CIART: variants seen among roughly 807,000 people sequenced by gnomAD.
CIART encodes the protein circadian-associated transcriptional repressor.
A neutral mutation model predicts 22.1 loss-of-function variants in CIART; 7 were observed. The observed-to-expected ratio is 0.32, with a 90% CI of 0.18 to 0.59. The LOEUF is 0.59. Among genes scored for constraint, CIART ranks in the 20% least tolerant of loss-of-function variants. The pLI is 0.86. For synonymous variants in CIART, 163 were observed against 174.6 expected (o/e 0.93, Z 0.53); for missense variants, 440 against 478.0 (o/e 0.92, Z 0.74).
chr1:150,284,557 A>G (rs782021224), intron 3 of CIART, 40 bp from the exon 4 acceptor site: 4 of 1,596,408 alleles, frequency 2.5e-6, no homozygotes, highest in East Asian at 4.5e-5. Context: ...GATTTCTCCA[A>G]TCCTGTTGCT....
At chr1:150,284,287 G>A in intron 2 of CIART, 139 bp from the exon 3 acceptor site, 1 of 780,658 alleles carries the variant, frequency 1.3e-6, no homozygotes, top group Non-Finnish European at 2.2e-6. Context: ...CCAAAGTGCT[G>A]GGATTACAGG....
chr1:150,284,120 C>A (rs587719403), intron 2 of CIART, among the ~76,000 whole-genome samples: 1 of 151,880 alleles, frequency 6.6e-6, no homozygotes, highest in African/African-American at 2.4e-5. Context: ...TGGGTTCAAG[C>A]GATTCTCCTG....
rs1444908365 is a variant in CIART at position 150,284,516 on chromosome 1, T to C, written c.521+12T>C. The C allele has an allele frequency of 7.5e-6, 12 of 1,604,406 alleles. No homozygotes were observed. The highest frequency in any genetic ancestry group is 8.5e-6 in the Non-Finnish European group (10 of 1,171,212). ...AAGCCACAGATGGGGTAAGTCCCGCTGGTTCTTTGCTTGGGTCTTCATAAA... is the reference window on the plus strand; with the variant it reads ...AAGCCACAGATGGGGTAAGTCCCGCCGGTTCTTTGCTTGGGTCTTCATAAA... On this transcript the variant is annotated intron_variant, in intron 3 of 4. Transcript: ENST00000290363.
rs782081791 is a variant in CIART, at chr1:150,283,392, A to G, written c.125A>G (p.His42Arg). The change falls in exon 1 of 5, where the codon CAT becomes CGT. Residue 42 changes from histidine to arginine, a missense_variant. Transcript: ENST00000290363. Reference sequence around the variant, plus strand: ...AGTGAGAGGGAGGACAAGGGGGCCCATGGGCCCAGGCCAGACACTGTTGGG... The same window carrying G: ...AGTGAGAGGGAGGACAAGGGGGCCCGTGGGCCCAGGCCAGACACTGTTGGG... ...SDSEREDKGA[H>R]GPRPDTVGQR... The G allele has an allele frequency of 1.9e-6, 3 of 1,610,988 alleles. No individual in the cohort carries two copies. The Admixed American group carries it at 5.0e-5, about 27-fold the overall frequency.
rs1653377218 is a variant in CIART at position 150,284,610 on chromosome 1, G to A, written c.535G>A (p.Gly179Arg). 1 of 1,612,882 alleles carries A rather than the reference G, an allele frequency of 6.2e-7. No individual in the cohort carries two copies. Among genetic ancestry groups the A allele is most frequent in the Non-Finnish European group, 8.5e-7 (1 of 1,178,934 alleles). The change falls in exon 4 of 5, where the codon GGA becomes AGA. Residue 179 changes from glycine to arginine, a missense_variant. Coordinates refer to ENST00000290363, the MANE Select transcript of CIART (RefSeq NM_144697.4). ...QKPQMGERYL[G>R]TLLQVEGMLK... ...TCATTTTCACAGGGAACGTTACCTAGGAACCTTGCTACAGGTAGAAGGGAT... is the reference window on the plus strand; with the variant it reads ...TCATTTTCACAGGGAACGTTACCTAAGAACCTTGCTACAGGTAGAAGGGAT...
chr1:150,286,918 T>A lies in CIART; in HGVS notation c.1122T>A (p.Pro374=), dbSNP rs782712457. The A allele has an allele frequency of 6.3e-7, 1 of 1,593,664 alleles. No homozygotes were observed. The highest frequency in any genetic ancestry group is 1.7e-5 in the Admixed American group (1 of 58,272). ...ACCGGGAGCAGCAGAGAAGCCATCC[T>A]CCAGTTGCTGCTGATGCTCATCTTC... ...IGHREQQRSH[P]PVAADAHLLN... is the part of the protein sequence containing the mutation. Residue 374 remains proline, a synonymous_variant, in exon 5 of 5, where the codon CCT becomes CCA. Transcript: ENST00000290363.
In CIART at chr1:150,286,881, TGA is replaced by T; in HGVS notation, c.1086_1087del (p.Met362IlefsTer17). 1 of 1,612,788 alleles carries T rather than the reference TGA, an allele frequency of 6.2e-7. No homozygotes were observed. Among genetic ancestry groups the T allele is most frequent in the Non-Finnish European group, 8.5e-7 (1 of 1,179,272 alleles). On this transcript the variant is annotated frameshift_variant, in exon 5 of 5. Coordinates refer to ENST00000290363, the MANE Select transcript of CIART (RefSeq NM_144697.4). LOFTEE classifies it low-confidence loss of function (END_TRUNC). ...AGTCTACCCACCTTGGCCAGAAAGATGACCATAGGACACCGGGAGCAGCAGAG... is the reference window on the plus strand; with the variant it reads ...AGTCTACCCACCTTGGCCAGAAAGATCCATAGGACACCGGGAGCAGCAGAG...
In CIART at chr1:150,284,423, CAGG is replaced by C. The variant is rs781982405; in HGVS notation, c.443-1_444del. ...CTTAATCTCTCTCTGTCCCTGTCCC[CAGG>C]ATTAAGCAGTTTTCAGCAGAGTGTG... On this transcript the variant is annotated splice_acceptor_variant and coding_sequence_variant, in exon 3 of 5. Coordinates refer to ENST00000290363, the MANE Select transcript of CIART (RefSeq NM_144697.4). LOFTEE classifies it high-confidence loss of function. 3.7e-6 allele frequency: 6 copies of C among 1,601,958 alleles called. No individual in the cohort carries two copies. The highest frequency in any genetic ancestry group is 8.6e-7 in the Non-Finnish European group (1 of 1,168,928).
chr1:150,283,764 GTTTT>G (rs782312659), intron 1 of CIART, 37 bp from the exon 2 acceptor site: 3 of 1,552,070 alleles, frequency 1.9e-6, no homozygotes, highest in Admixed American at 1.7e-5. Flanking sequence ...GGTGTGGGCA[GTTTT>G]TTGTCTTCTT....
In CIART at chr1:150,283,597, T is replaced by G. The variant is rs782376273; in HGVS notation, c.330T>G (p.Gly110=). 3 of 1,613,918 alleles carry G rather than the reference T, an allele frequency of 1.9e-6. No individual in the cohort carries two copies. The Admixed American group carries it at 5.0e-5, about 27-fold the overall frequency. ...GELETSLNTQ[G]CTTEGDLLFA... ...TGGAGACCAGTCTAAACACCCAAGGTTGTACCACAGAGGGAGACCTGCTGT... is the reference window on the plus strand; with the variant it reads ...TGGAGACCAGTCTAAACACCCAAGGGTGTACCACAGAGGGAGACCTGCTGT... Residue 110 remains glycine (G), a synonymous_variant, in exon 1 of 5, where the codon GGT becomes GGG. Transcript: ENST00000290363.
chr1:150,284,366 C>T, intron 2 of CIART, 60 bp from the exon 3 acceptor site: 4 of 1,466,026 alleles, frequency 2.7e-6, no homozygotes, highest in Non-Finnish European at 3.8e-6. Flanking sequence ...TTCTGTTCTT[C>T]CTTTACCTGA....
Position 150,283,410 on chromosome 1 carries a change from C to G in CIART, c.143C>G (p.Thr48Ser). 6.2e-7 allele frequency: 1 copy of G among 1,614,062 alleles called. No individual in the cohort carries two copies. The highest frequency in any genetic ancestry group is 1.3e-5 in the African/African-American group (1 of 75,060). ...GGGGCCCATGGGCCCAGGCCAGACA[C>G]TGTTGGGCAGAGGGGAGGTTCACGG... is the stretch of plus-strand genomic sequence containing the variant. ...DKGAHGPRPD[T>S]VGQRGGSRPS... is the part of the protein sequence containing the mutation. The change falls in exon 1 of 5, where the codon ACT becomes AGT. Residue 48 changes from threonine to serine, a missense_variant. Transcript: ENST00000290363.
In CIART at chr1:150,283,545, G is replaced by A; in HGVS notation, c.278G>A (p.Gly93Glu). The A allele has an allele frequency of 1.2e-6, 2 of 1,614,204 alleles. No homozygotes were observed. Among genetic ancestry groups the A allele is most frequent in the Non-Finnish European group, 1.7e-6 (2 of 1,180,020 alleles). The change falls in exon 1 of 5, where the codon GGG (glycine) becomes GAG (glutamate). Residue 93 changes from glycine to glutamate, a missense_variant. Coordinates refer to ENST00000290363, the MANE Select transcript of CIART (RefSeq NM_144697.4). ...TCGGCTTCTCCTATGGCAGGATCTG[G>A]GGCGAAAAGATCAAGAGATGGTGAA... is the stretch of plus-strand genomic sequence containing the variant. Reference protein sequence around the residue: ...RGSASPMAGSGAKRSRDGELE... With the variant: ...RGSASPMAGSEAKRSRDGELE...
At position 150,286,579 on chromosome 1, in the gene CIART, C is replaced by T. The variant is rs368334027; in HGVS notation, c.783C>T (p.Ile261=). ...TQWPAMNLTW[I]HTTPICNPPL... is the part of the protein sequence containing the mutation. ...GGCCAGCTATGAACCTCACCTGGAT[C>T]CACACCACTCCAATTTGCAACCCCC... The change falls in exon 5 of 5, where the codon ATC becomes ATT. Residue 261 remains isoleucine (I), a synonymous_variant. Transcript: ENST00000290363. The T allele has an allele frequency of 6.8e-6, 11 of 1,607,548 alleles. No individual in the cohort carries two copies. The African/African-American group carries it at 1.2e-4, about 18-fold the overall frequency.
Position 150,283,220 on chromosome 1 carries a change from A to C in CIART, c.-48A>C. ...CTTTGCTCTTCAGTTGCAGGTTCCG[A>C]TCTTTGGGTACTCCAGGAGCTGTTC... On this transcript the variant is annotated 5_prime_UTR_variant, in exon 1 of 5. Transcript: ENST00000290363. 1 of 1,472,818 alleles carries C rather than the reference A, an allele frequency of 6.8e-7. No homozygotes were observed. Among genetic ancestry groups the C allele is most frequent in the South Asian group, 1.5e-5 (1 of 66,536 alleles). The allele number at this position is 1,472,818 out of a possible 1,614,324, so 91.2% of individuals were successfully genotyped here.
rs1256719036 is a variant in CIART at position 150,283,092 on chromosome 1, C to T, written c.-176C>T. On this transcript the variant is annotated 5_prime_UTR_variant, in exon 1 of 5. Coordinates refer to ENST00000290363, the MANE Select transcript of CIART (RefSeq NM_144697.4). The stretch of plus-strand genomic sequence containing the variant: ...ATGTCTTTTTCTATTGTGTTTGAGA[C>T]CGGTAATATTGGGGAGGGGGAGAAC... 1 of 570,478 alleles carries T rather than the reference C, an allele frequency of 1.8e-6. No individual in the cohort carries two copies. The allele number at this position is 570,478 out of a possible 1,614,324, so 35.3% of individuals were successfully genotyped here.
At position 150,286,639 on chromosome 1, in the gene CIART, T is replaced by C. The variant is rs782301388; in HGVS notation, c.843T>C (p.His281=). The C allele has an allele frequency of 3.7e-6, 6 of 1,613,464 alleles. No individual in the cohort carries two copies. Among genetic ancestry groups the C allele is most frequent in the Admixed American group, 3.3e-5 (2 of 59,992 alleles). The change falls in exon 5 of 5, where the codon CAT becomes CAC. Residue 281 remains histidine, a synonymous_variant. Transcript: ENST00000290363. ...CCCCAGGTACTATCTCCTTTAGCCA[T>C]GGTCCTTTAGGCACTGGAACCGGCA... The part of the protein sequence containing the change: ...LSSPGTISFS[H]GPLGTGTGIG...
At position 150,283,232 on chromosome 1, in the gene CIART, T is replaced by C. The variant is rs1653251783; in HGVS notation, c.-36T>C. ...GTTGCAGGTTCCGATCTTTGGGTAC[T>C]CCAGGAGCTGTTCTATAGCCCCTGC... is the stretch of plus-strand genomic sequence containing the variant. On this transcript the variant is annotated 5_prime_UTR_variant, in exon 1 of 5. Coordinates refer to ENST00000290363, the MANE Select transcript of CIART (RefSeq NM_144697.4). 3 of 1,496,186 alleles carry C rather than the reference T, an allele frequency of 2.0e-6. No individual in the cohort carries two copies. The highest frequency in any genetic ancestry group is 2.3e-5 in the Admixed American group (1 of 43,116). 92.7% of individuals were successfully genotyped at this position (1,496,186 alleles called of 1,614,324 possible). A position where few individuals can be genotyped will look rare whatever the true frequency, so the allele number is the denominator to read the frequency against.
intron 4 of CIART, chr1:150,285,619 C>T (rs1432570960): frequency 6.6e-6 from 1 of 152,068 alleles, no homozygotes; most frequent in African/African-American, 2.4e-5. Context: ...AGGAGAGTCT[C>T]CTGTAGATAA....
Sources: gnomAD v4.1 joint callset for allele counts (sites outside exome capture counted in the v4.1 genomes callset) on GRCh38, gnomAD v4.1.1 for gene constraint, MANE v1.5 for transcripts, NCBI Gene and HGNC (gene_info 2026-07-23, HGNC 2026-07-21) for gene names.